Variants in CHD5 observed in about 807,000 individuals in gnomAD.
The protein encoded by CHD5 is ATP-dependent chromatin remodeler CHD5.
CHD5 carries 69 observed loss-of-function variants against 230.3 expected under a neutral mutation model. The ratio of observed to expected loss-of-function variants is 0.30; its 90% CI spans 0.25 to 0.37. The LOEUF (loss-of-function observed/expected upper bound fraction) is 0.37. Among genes scored for constraint, CHD5 ranks in the 10% least tolerant of loss-of-function variants. The probability of loss-of-function intolerance (pLI) is 1.00; values close to 1 mark genes in which losing one functional copy is unlikely to be tolerated. For missense variants in CHD5, 1,827 were observed against 2,622.8 expected, an observed-to-expected ratio of 0.70 and a Z score of 6.63; for synonymous variants, 1,064 against 1,065.9, an observed-to-expected ratio of 1.00 and a Z score of 0.03.
rs541984990 is a variant in CHD5 at position 6,160,922 on chromosome 1, C to T, written c.208-1407G>A. ...GAGACACAAGTCAACTGGCGAAGCC[C>T]TCCACAGCCCCTTCCCAGGGAGGGG... On this transcript the variant is annotated intron_variant, in intron 2 of 41. Transcript: ENST00000262450. Among the ~76,000 whole-genome samples the T allele has an allele frequency of 2.0e-5, 3 of 152,316 alleles. No homozygotes were observed. In the East Asian group the frequency reaches 5.8e-4, roughly 30 times the overall value.
chr1:6,115,095 G>A lies in CHD5; in HGVS notation c.4913-2097C>T, dbSNP rs372272681. Among the ~76,000 whole-genome samples, 16 of 151,674 alleles carry A rather than the reference G, an allele frequency of 1.1e-4. No individual in the cohort carries two copies. The South Asian group carries it at 3.3e-3, about 32-fold the overall frequency. On this transcript the variant is annotated intron_variant, in intron 33 of 41. Coordinates refer to ENST00000262450, the MANE Select transcript of CHD5 (RefSeq NM_015557.3). Reference sequence around the variant, plus strand: ...TGGGAGGCCGAGGCGGGCAGATCACGAGATCAGGAGATCGAGACCATCCTG... The same window carrying A: ...TGGGAGGCCGAGGCGGGCAGATCACAAGATCAGGAGATCGAGACCATCCTG...
intron 40 of CHD5, 37 bp downstream of exon 40, chr1:6,106,358 C>A: frequency 6.2e-7 from 1 of 1,611,170 alleles, no homozygotes. Context: ...CCGGCGGGCA[C>A]CCGTGTGCAT....
Position 6,180,006 on chromosome 1 carries a change from G to T in CHD5, c.18C>A (p.Gly6=). ...ACAGCCGCGGCAGCTCCTCCTCGGT[G>T]CCCACTGGGCCCCGCATGCCCGGCG... MRGPV[G]TEEELPRLFA... Residue 6 remains glycine (G), a synonymous_variant, in exon 1 of 42, where the codon GGC becomes GGA. Coordinates refer to ENST00000262450, the MANE Select transcript of CHD5 (RefSeq NM_015557.3). 1.5e-6 allele frequency: 2 copies of T among 1,372,284 alleles called. No individual in the cohort carries two copies. Among genetic ancestry groups the T allele is most frequent in the Non-Finnish European group, 1.9e-6 (2 of 1,050,590 alleles). 85.0% of individuals were successfully genotyped at this position (1,372,284 alleles called of 1,614,324 possible).
rs767064443 is a variant in CHD5 at position 6,128,226 on chromosome 1, G to A, written c.3731-8C>T. On this transcript the variant is annotated splice_polypyrimidine_tract_variant and splice_region_variant and intron_variant, in intron 24 of 41. Transcript: ENST00000262450. This position sits in a 1 kb window ranked among gnomAD's most constrained non-coding sequence, Gnocchi z 7.8. ...CCACGTCCTTGTTGTCACCTGGGGAGCAGGCAAATGCAGTGTGAGGACAAA... is the reference window on the plus strand; with the variant it reads ...CCACGTCCTTGTTGTCACCTGGGGAACAGGCAAATGCAGTGTGAGGACAAA... The A allele has an allele frequency of 1.9e-6, 3 of 1,613,266 alleles. No homozygotes were observed. The highest frequency in any genetic ancestry group is 1.1e-5 in the South Asian group (1 of 91,036).
intron 7 of CHD5, 98 bp from the exon 8 acceptor site, chr1:6,149,510 C>T: frequency 8.1e-7 from 1 of 1,228,348 alleles, no homozygotes; most frequent in Non-Finnish European, 1.1e-6. Context: ...GAGTAGATGT[C>T]TAATAGAGGG....
intron 1 of CHD5, among the ~76,000 whole-genome samples, chr1:6,174,297 C>G (rs967950220): frequency 1.3e-5 from 2 of 152,040 alleles, no homozygotes; most frequent in Non-Finnish European, 2.9e-5. Context: ...AAGCAAAAGC[C>G]CAGAAAGTTA....
intron 30 of CHD5, 96 bp from the exon 31 acceptor site, chr1:6,124,203 G>T: frequency 8.3e-7 from 1 of 1,211,178 alleles, no homozygotes; most frequent in Non-Finnish European, 1.2e-6. Flanking sequence ...GGCTGAAAGT[G>T]TCACAGGCTT....
chr1:6,104,070 C>T lies in CHD5; in HGVS notation c.*1404G>A, dbSNP rs1666118580. ...TCCCTGGGAAGGTCCCAGTACAAGA[C>T]TCAGAAACGCCTTCCAGGTCGACCT... is the stretch of plus-strand genomic sequence containing the variant. On this transcript the variant is annotated 3_prime_UTR_variant, in exon 42 of 42. Transcript: ENST00000262450. The T allele has an allele frequency of 6.6e-6, 1 of 152,138 alleles. No homozygotes were observed. Among genetic ancestry groups the T allele is most frequent in the Non-Finnish European group, 1.5e-5 (1 of 68,050 alleles). The allele number at this position is 152,138 out of a possible 1,614,324, so 9.4% of individuals were successfully genotyped here.
At chr1:6,144,293 G>A (rs1666876944) in intron 11 of CHD5, 138 bp from the exon 12 acceptor site, 22 of 1,194,218 alleles carry the variant, frequency 1.8e-5, no homozygotes, top group East Asian at 4.7e-5. Flanking sequence ...AGGAGGAGAC[G>A]AGGGCAGAAG....
chr1:6,156,864 G>A (rs992160752), intron 3 of CHD5, among the ~76,000 whole-genome samples: 4 of 152,342 alleles, frequency 2.6e-5, no homozygotes, highest in South Asian at 2.1e-4. Flanking sequence ...GACCAGGCCC[G>A]GGCTGGCGGG....
chr1:6,167,344 G>A lies in CHD5; in HGVS notation c.207+806C>T, dbSNP rs544959057. 1.2e-4 allele frequency among the ~76,000 whole-genome samples: 18 copies of A among 152,356 alleles called. No homozygotes were observed. The East Asian group carries it at 3.5e-3, about 29-fold the overall frequency. The stretch of plus-strand genomic sequence containing the variant: ...CCCCCGCTCTCATCTGTGAAGTGAG[G>A]TGCTTGCCATTGCTCTCAACATAGG... On this transcript the variant is annotated intron_variant, in intron 2 of 41. Coordinates refer to ENST00000262450, the MANE Select transcript of CHD5 (RefSeq NM_015557.3). This position sits in a 1 kb window ranked among gnomAD's most constrained non-coding sequence, Gnocchi z 4.5.
Position 6,125,661 on chromosome 1 carries a change from T to C in CHD5, c.4172-49A>G, listed in dbSNP as rs1666544217. On this transcript the variant is annotated intron_variant, in intron 27 of 41. Coordinates refer to ENST00000262450, the MANE Select transcript of CHD5 (RefSeq NM_015557.3). This position sits in a 1 kb window ranked among gnomAD's most constrained non-coding sequence, Gnocchi z 6.7. ...CCTCAGGTGGGAGCCCAGAGATTCC[T>C]GATCCCCAAGGACAGCGGGACCCCA... The C allele has an allele frequency of 1.2e-6, 2 of 1,609,768 alleles. No individual in the cohort carries two copies. Among genetic ancestry groups the C allele is most frequent in the South Asian group, 1.1e-5 (1 of 90,966 alleles).
chr1:6,145,217 G>C (rs1322559935), intron 11 of CHD5, among the ~76,000 whole-genome samples: 1 of 152,170 alleles, frequency 6.6e-6, no homozygotes, highest in African/African-American at 2.4e-5. Flanking sequence ...TGTCACCCGT[G>C]CAGCAGCCTG....
rs1478770058 is a variant in CHD5 at position 6,154,925 on chromosome 1, G to C, written c.507-27C>G. On this transcript the variant is annotated intron_variant, in intron 4 of 41. Transcript: ENST00000262450. The surrounding 1 kb of genome is among the most constrained non-coding windows in gnomAD (Gnocchi z 7.0). ...TGTAGGGGGAGAGGCAGGAGGGTGA[G>C]GGCAAGGCCAGGTGAGATGAGAGGC... is the stretch of plus-strand genomic sequence containing the variant. 1.9e-6 allele frequency: 3 copies of C among 1,602,868 alleles called. No individual in the cohort carries two copies. The highest frequency in any genetic ancestry group is 2.6e-6 in the Non-Finnish European group (3 of 1,172,764).
chr1:6,117,388 A>G (rs1666394911), intron 33 of CHD5, among the ~76,000 whole-genome samples: 1 of 152,198 alleles, frequency 6.6e-6, no homozygotes, highest in Non-Finnish European at 1.5e-5. Flanking sequence ...TGTAAATCAT[A>G]TATCTGATGA....
intron 33 of CHD5, among the ~76,000 whole-genome samples, chr1:6,115,278 C>T (rs972170719): frequency 5.3e-5 from 8 of 151,700 alleles, no homozygotes; most frequent in African/African-American, 1.9e-4. Context: ...AGGAAACACA[C>T]AATCATTAAC....
chr1:6,168,112 C>A (rs1022265135), intron 2 of CHD5, 38 bp downstream of exon 2: 1 of 1,574,426 alleles, frequency 6.4e-7, no homozygotes, highest in African/African-American at 1.4e-5. Flanking sequence ...CACAACCCCA[C>A]CCGCCCCAAG....
chr1:6,139,958 C>T (rs1046383923), intron 15 of CHD5, among the ~76,000 whole-genome samples: 1 of 152,134 alleles, frequency 6.6e-6, no homozygotes, highest in Non-Finnish European at 1.5e-5. Context: ...CTCTAAGAGC[C>T]ACAGCTGCTA....
At position 6,104,717 on chromosome 1, in the gene CHD5, C is replaced by T. The variant is rs1482207414; in HGVS notation, c.*757G>A. On this transcript the variant is annotated 3_prime_UTR_variant, in exon 42 of 42. Coordinates refer to ENST00000262450, the MANE Select transcript of CHD5 (RefSeq NM_015557.3). ...CACTGGTAACAGAGTCCAGGGCCTT[C>T]AAGATGCGCTGGGCCGGGGACAGAC... 1.3e-5 allele frequency: 2 copies of T among 151,010 alleles called. No individual in the cohort carries two copies. Among genetic ancestry groups the T allele is most frequent in the African/African-American group, 4.9e-5 (2 of 41,018 alleles). 9.4% of individuals were successfully genotyped at this position (151,010 alleles called of 1,614,324 possible).
Sources: allele counts gnomAD v4.1 joint callset (sites outside exome capture counted in the v4.1 genomes callset), GRCh38; gene constraint gnomAD v4.1.1; non-coding constraint Gnocchi (gnomAD v3.1); transcripts MANE v1.5; gene names NCBI Gene and HGNC (gene_info 2026-07-23, HGNC 2026-07-21).